The following ADGRG7 variants were observed in gnomAD, a reference collection of about 807,000 sequenced individuals.
ADGRG7 encodes adhesion G protein-coupled receptor G7.
A neutral mutation model predicts 88.6 loss-of-function variants in ADGRG7; 82 were observed. That is an observed-to-expected ratio of 0.93 (90% CI 0.77 to 1.11). The LOEUF (loss-of-function observed/expected upper bound fraction) is 1.11, where lower values mean the gene tolerates loss of function less well. ADGRG7 is among the 50% of genes most tolerant of loss of function. The pLI is 0.00. For missense variants in ADGRG7, 945 were observed against 953.4 expected, an observed-to-expected ratio of 0.99 and a Z score of 0.12; for synonymous variants, 381 against 345.2, an observed-to-expected ratio of 1.10 and a Z score of -1.15.
At position 100,648,854 on chromosome 3, in the gene ADGRG7, GACC is replaced by G. The variant is rs376126855; in HGVS notation, c.1267-832_1267-830del. On this transcript the variant is annotated intron_variant, in intron 10 of 15. Coordinates refer to ENST00000273352, the MANE Select transcript of ADGRG7 (RefSeq NM_032787.3). ...ACTATACATATCCAACCCACCCTGT[GACC>G]ACCACCACTACCTCACCAGATTTCT... Among the ~76,000 whole-genome samples, 25 of 152,032 alleles carry G rather than the reference GACC, an allele frequency of 1.6e-4. No homozygotes were observed. In the South Asian group the frequency reaches 3.7e-3, roughly 23 times the overall value.
At chr3:100,640,764 C>T (rs1707628905) in intron 6 of ADGRG7, among the ~76,000 whole-genome samples, 4 of 152,128 alleles carry the variant, frequency 2.6e-5, no homozygotes, top group African/African-American at 9.7e-5. Flanking sequence ...TCAGGTGATC[C>T]ACCTGCTTTG....
intron 1 of ADGRG7, among the ~76,000 whole-genome samples, chr3:100,616,030 A>G (rs1452805082): frequency 1.3e-5 from 2 of 152,216 alleles, no homozygotes; most frequent in African/African-American, 4.8e-5. Context: ...ACTACCAGTA[A>G]TTGAAACCCC....
At chr3:100,614,016 C>A (rs1353463464) in intron 1 of ADGRG7, among the ~76,000 whole-genome samples, 2 of 152,084 alleles carry the variant, frequency 1.3e-5, no homozygotes, top group African/African-American at 4.8e-5. Context: ...GTAGTAAACC[C>A]ATGAGGCTTA....
intron 15 of ADGRG7, among the ~76,000 whole-genome samples, chr3:100,676,757 T>C (rs2094965906): frequency 1.3e-5 from 2 of 152,092 alleles, no homozygotes; most frequent in Admixed American, 6.5e-5. Context: ...TCTAATAATA[T>C]TTTATTTATA....
intron 4 of ADGRG7, 136 bp from the exon 5 acceptor site, chr3:100,635,541 C>A: frequency 6.8e-7 from 1 of 1,464,734 alleles, no homozygotes; most frequent in Non-Finnish European, 9.0e-7. Context: ...AGGATGCAAA[C>A]GTGGAAAACT....
chr3:100,655,045 C>G lies in ADGRG7; in HGVS notation c.1590C>G (p.Ala530=), dbSNP rs145956384. The change falls in exon 12 of 16, where the codon GCC becomes GCG. Residue 530 remains alanine (A), a synonymous_variant. Transcript: ENST00000273352. ...NIPNPMCTAI[A]ALLHYFLLVT... ...CGAATCCCATGTGCACTGCGATTGC[C>G]GCCTTACTGCACTATTTTCTGTTAG... 4 of 1,613,966 alleles carry G rather than the reference C, an allele frequency of 2.5e-6. No homozygotes were observed. The African/African-American group carries it at 5.3e-5, about 22-fold the overall frequency.
rs552262431 is a variant in ADGRG7 at position 100,655,919 on chromosome 3, G to T, written c.1747G>T (p.Ala583Ser). The T allele has an allele frequency of 1.3e-5, 20 of 1,597,438 alleles. No individual in the cohort carries two copies. The African/African-American group carries it at 2.5e-4, about 20-fold the overall frequency. The change falls in exon 13 of 16, where the codon GCT (alanine) becomes TCT (serine). Residue 583 changes from alanine (A) to serine (S), a missense_variant. By Grantham distance (99) the Ala-to-Ser change is moderately conservative. Coordinates refer to ENST00000273352, the MANE Select transcript of ADGRG7 (RefSeq NM_032787.3). ...CATAGGAGTCCCAGCTATAGTAGTG[G>T]CTATAACAGTGGGAGTTATTTATTC... ...IGWGVPAIVV[A>S]ITVGVIYSQN... is the part of the protein sequence containing the mutation.
rs116296123 is a variant in ADGRG7 at position 100,623,126 on chromosome 3, A to G, written c.116-6472A>G. 7.9e-3 allele frequency among the ~76,000 whole-genome samples: 1,208 copies of G among 152,022 alleles called. 18 individuals carry two copies. The highest frequency in any genetic ancestry group is 0.027 in the African/African-American group (1,140 of 41,476). The stretch of plus-strand genomic sequence containing the variant: ...TTAATTTGACTAAAGCTAATTATCA[A>G]TTTTTTTCTATTATTCTTAGTGCTT... On this transcript the variant is annotated intron_variant, in intron 1 of 15. Transcript: ENST00000273352.
Position 100,646,571 on chromosome 3 carries a change from C to T in ADGRG7, c.1113C>T (p.Tyr371=). ...ASVDMVFSPK[Y]NQKEFQLYSY... is the part of the protein sequence containing the mutation. ...GTAATTGTCTTATCAATTCATAGTA[C>T]AACCAAAAAGAATTTCAACTCTATT... Residue 371 remains tyrosine, a splice_region_variant and synonymous_variant, in exon 10 of 16, where the codon TAC becomes TAT. Coordinates refer to ENST00000273352, the MANE Select transcript of ADGRG7 (RefSeq NM_032787.3). The T allele has an allele frequency of 6.2e-7, 1 of 1,610,928 alleles. No homozygotes were observed. Among genetic ancestry groups the T allele is most frequent in the Non-Finnish European group, 8.5e-7 (1 of 1,178,210 alleles).
At chr3:100,658,696 T>A (rs1460749488) in intron 13 of ADGRG7, among the ~76,000 whole-genome samples, 2 of 152,282 alleles carry the variant, frequency 1.3e-5, no homozygotes, top group African/African-American at 4.8e-5. Flanking sequence ...CTATTTAAAA[T>A]AAAACACCCC....
At chr3:100,659,460 A>C (rs1204585841) in intron 13 of ADGRG7, among the ~76,000 whole-genome samples, 2 of 144,322 alleles carry the variant, frequency 1.4e-5, no homozygotes, top group African/African-American at 4.9e-5. Context: ...AAAAAAAAAA[A>C]AAAAGGCCCA....
intron 14 of ADGRG7, among the ~76,000 whole-genome samples, chr3:100,662,163 T>A (rs552175515): frequency 6.6e-5 from 10 of 152,276 alleles, no homozygotes; most frequent in African/African-American, 2.4e-4. Context: ...CTATATGGGT[T>A]GGGGGGAAAC....
At chr3:100,652,846 C>G (rs1576326024) in intron 11 of ADGRG7, among the ~76,000 whole-genome samples, 1 of 151,718 alleles carries the variant, frequency 6.6e-6, no homozygotes, top group East Asian at 1.9e-4. Context: ...ACAAGGCCGG[C>G]CTGCAGACAA....
At position 100,695,430 on chromosome 3, in the gene ADGRG7, A is replaced by G. The variant is rs980793778; in HGVS notation, c.*429A>G. 1.3e-5 allele frequency: 2 copies of G among 154,564 alleles called. No homozygotes were observed. The highest frequency in any genetic ancestry group is 2.9e-5 in the Non-Finnish European group (2 of 69,750). The allele number at this position is 154,564 out of a possible 1,614,324, so 9.6% of individuals were successfully genotyped here. A position where few individuals can be genotyped will look rare whatever the true frequency, so the allele number is the denominator to read the frequency against. On this transcript the variant is annotated 3_prime_UTR_variant, in exon 16 of 16. Transcript: ENST00000273352. ...TAAACTTTTGACCTCTGAATATTTT[A>G]CAGTCGTATGTGCTTGTACTTTTAT...
At chr3:100,642,646 G>A (rs1168298806) in intron 6 of ADGRG7, among the ~76,000 whole-genome samples, 3 of 152,174 alleles carry the variant, frequency 2.0e-5, no homozygotes, top group African/African-American at 7.2e-5. Context: ...TTTGGAGAAT[G>A]CCAAATTGAC....
intron 3 of ADGRG7, 87 bp downstream of exon 3, chr3:100,630,896 CT>C (rs1207904297): frequency 3.3e-6 from 2 of 612,526 alleles, no homozygotes; most frequent in Non-Finnish European, 5.2e-6. Context: ...TGTTAGGTCC[CT>C]GAAGGGCATC....
intron 14 of ADGRG7, among the ~76,000 whole-genome samples, chr3:100,666,344 A>G (rs887538246): frequency 3.9e-5 from 6 of 152,140 alleles, no homozygotes. Flanking sequence ...TCTCCGAGAG[A>G]GGGATGTGTT....
intron 1 of ADGRG7, among the ~76,000 whole-genome samples, chr3:100,616,444 G>A (rs1454435459): frequency 6.6e-6 from 1 of 151,998 alleles, no homozygotes; most frequent in South Asian, 2.1e-4. Context: ...ATTTGAAAAA[G>A]AACCAAATAA....
chr3:100,687,717 C>T (rs760483486), intron 15 of ADGRG7, among the ~76,000 whole-genome samples: 51 of 152,270 alleles, frequency 3.3e-4, no homozygotes, highest in Non-Finnish European at 5.4e-4. Context: ...TTGCATCCAA[C>T]GGATGAAGCC....
Sources: allele counts gnomAD v4.1 joint callset (sites outside exome capture counted in the v4.1 genomes callset), GRCh38; gene constraint gnomAD v4.1.1; transcripts MANE v1.5; gene names NCBI Gene and HGNC (gene_info 2026-07-23, HGNC 2026-07-21).